DDX51: variants seen among roughly 807,000 people sequenced by gnomAD.
The protein encoded by DDX51 is ATP-dependent RNA helicase DDX51.
DDX51 carries 67 observed loss-of-function variants against 74.6 expected under a neutral mutation model. The observed-to-expected ratio is 0.90, with a 90% CI of 0.74 to 1.10. The LOEUF is 1.10. Among genes scored for constraint, DDX51 ranks in the 50% least tolerant of loss-of-function variants. The pLI is 0.00. For missense variants in DDX51, 1,056 were observed against 905.2 expected, an observed-to-expected ratio of 1.17 and a Z score of -2.14; for synonymous variants, 545 against 402.9, an observed-to-expected ratio of 1.35 and a Z score of -4.22.
At chr12:132,139,355 G>A in intron 14 of DDX51, 57 bp from the exon 15 acceptor site, 2 of 1,589,342 alleles carry the variant, frequency 1.3e-6, no homozygotes, top group African/African-American at 1.3e-5. Flanking sequence ...ATCGTCTGTG[G>A]GGCCCCGGGC....
chr12:132,142,828 C>T lies in DDX51; in HGVS notation c.570G>A (p.Arg190=). ...RWLAEPNCVR[R]NVTEDLVPIE... Reference sequence around the variant, plus strand: ...TAGGAACCAGGTCTTCGGTGACATTCCTTCTGACACAGTTAGGCTCAGCCA... The same window carrying T: ...TAGGAACCAGGTCTTCGGTGACATTTCTTCTGACACAGTTAGGCTCAGCCA... The change falls in exon 3 of 15, where the codon AGG becomes AGA. Residue 190 remains arginine, a synonymous_variant. Transcript: ENST00000397333. 6.2e-7 allele frequency: 1 copy of T among 1,613,000 alleles called. No individual in the cohort carries two copies. Among genetic ancestry groups the T allele is most frequent in the Non-Finnish European group, 8.5e-7 (1 of 1,180,026 alleles).
intron 6 of DDX51, 35 bp downstream of exon 6, chr12:132,141,815 A>ACCC: frequency 6.2e-7 from 1 of 1,604,988 alleles, no homozygotes; most frequent in South Asian, 1.1e-5. Context: ...CTGAGCAGGG[A>ACCC]CCCCCTGAAA....
At chr12:132,142,977 TC>T in intron 2 of DDX51, 99 bp from the exon 3 acceptor site, 1 of 1,518,990 alleles carries the variant, frequency 6.6e-7, no homozygotes, top group Non-Finnish European at 9.0e-7. Context: ...TGGGGAAACC[TC>T]TGTCGTCTTC....
At chr12:132,141,443 G>A (rs1322296174) in intron 7 of DDX51, 23 bp from the exon 8 acceptor site, 8 of 1,585,012 alleles carry the variant, frequency 5.0e-6, no homozygotes, top group Non-Finnish European at 6.8e-6. Flanking sequence ...GGGAGCCCGG[G>A]ACTGGGTGGC....
chr12:132,141,259 G>C lies in DDX51; in HGVS notation c.1250+16C>G. ...CTGCTCAGGGGAGGCCAGCACCTGG[G>C]CGTGCTGCTGGATACCTGGCGGCTG... On this transcript the variant is annotated intron_variant, in intron 8 of 14. Coordinates refer to ENST00000397333, the MANE Select transcript of DDX51 (RefSeq NM_175066.4). The C allele has an allele frequency of 6.3e-7, 1 of 1,580,332 alleles. No homozygotes were observed. The highest frequency in any genetic ancestry group is 1.1e-5 in the South Asian group (1 of 89,044).
chr12:132,139,567 G>A (rs770973508), intron 14 of DDX51, 68 bp downstream of exon 14: 2 of 1,611,644 alleles, frequency 1.2e-6, no homozygotes, highest in African/African-American at 1.3e-5. Flanking sequence ...TTCTCCACGT[G>A]TGGTGACGAC....
In DDX51 at chr12:132,140,413, AG is replaced by A. The variant is rs112539569; in HGVS notation, c.1673+9del. 5.1e-4 allele frequency: 815 copies of A among 1,613,070 alleles called. 9 individuals are homozygous for A. In the African/African-American group the frequency reaches 9.1e-3, roughly 18 times the overall value. On this transcript the variant is annotated intron_variant, in intron 11 of 14. Coordinates refer to ENST00000397333, the MANE Select transcript of DDX51 (RefSeq NM_175066.4). ...CCCCACAGAGGCCTTGCCCCTGCCC[AG>A]GAACTCACAGCTGGATCTTCCCCTG...
chr12:132,141,101 A>C, intron 8 of DDX51, 81 bp from the exon 9 acceptor site: 1 of 1,512,356 alleles, frequency 6.6e-7, no homozygotes, highest in Non-Finnish European at 8.8e-7. Flanking sequence ...CATGCTACGC[A>C]CTGTAGAGAC....
chr12:132,140,440 T>G lies in DDX51; in HGVS notation c.1656A>C (p.Glu552Asp). Reference protein sequence around the residue: ...GQRRMILKQFEQGKIQLLIST... With the variant: ...GQRRMILKQFDQGKIQLLIST... ...GAACTCACAGCTGGATCTTCCCCTG[T>G]TCAAACTGCTTCAGGATCATCCTCC... Residue 552 changes from glutamate (E) to aspartate (D), a missense_variant, in exon 11 of 15, where the codon GAA becomes GAC. By Grantham distance (45) the Glu-to-Asp change is conservative (BLOSUM62 2). Transcript: ENST00000397333. 1 of 1,613,216 alleles carries G rather than the reference T, an allele frequency of 6.2e-7. No homozygotes were observed. Among genetic ancestry groups the G allele is most frequent in the Non-Finnish European group, 8.5e-7 (1 of 1,180,018 alleles).
rs1187840198 is a variant in DDX51, at chr12:132,144,238, G to A, written c.59C>T (p.Pro20Leu). ...GTGCGCCCCGGCCTCCGCGCCCTCC[G>A]GCCCCGCCGCAGCTGCCGCATCGGG... ...PGPDAAAAAGPEGAEAGAHGR... is the reference protein window; with the variant it reads ...PGPDAAAAAGLEGAEAGAHGR... The change falls in exon 1 of 15, where the codon CCG becomes CTG. Residue 20 changes from proline to leucine, a missense_variant. Physicochemically the swap from Pro to Leu is moderately conservative, Grantham distance 98. Transcript: ENST00000397333. 15 of 1,227,700 alleles carry A rather than the reference G, an allele frequency of 1.2e-5. No homozygotes were observed. Among genetic ancestry groups the A allele is most frequent in the Non-Finnish European group, 1.3e-5 (13 of 985,076 alleles). 76.1% of individuals were successfully genotyped at this position (1,227,700 alleles called of 1,614,324 possible). A position where few individuals can be genotyped will look rare whatever the true frequency, so the allele number is the denominator to read the frequency against.
In DDX51 at chr12:132,142,146, C is replaced by A; in HGVS notation, c.861G>T (p.Val287=). The A allele has an allele frequency of 6.5e-7, 1 of 1,546,694 alleles. No homozygotes were observed. The highest frequency in any genetic ancestry group is 1.3e-5 in the South Asian group (1 of 79,554). The change falls in exon 5 of 15, where the codon GTG becomes GTT. Residue 287 remains valine (V), a synonymous_variant. Transcript: ENST00000397333. The part of the protein sequence containing the change: ...RVVCHIRALV[V]LPTKELAQQV... ...GCTGGGCCAGCTCCTTGGTGGGCAG[C>A]ACAACCAGGGCACGGATGTGGCAGA...
chr12:132,142,458 C>A (rs763097016), intron 3 of DDX51, 36 bp from the exon 4 acceptor site: 2 of 1,602,292 alleles, frequency 1.2e-6, no homozygotes, highest in South Asian at 2.2e-5. Flanking sequence ...GTCGTGTTTA[C>A]GCCTAGGCCT....
At position 132,144,007 on chromosome 12, in the gene DDX51, TC is replaced by T; in HGVS notation, c.289del (p.Glu97ArgfsTer132). On this transcript the variant is annotated frameshift_variant, in exon 1 of 15. Coordinates refer to ENST00000397333, the MANE Select transcript of DDX51 (RefSeq NM_175066.4). LOFTEE classifies it high-confidence loss of function. ...PQGKRRKADG[E>X]DAGAESNEEA... The stretch of plus-strand genomic sequence containing the variant: ...CCGCGGCCCACCTGCGCCCGCGTCC[TC>T]GCCGTCCGCCTTCCGTCGCTTTCCC... 1 of 1,379,190 alleles carries T rather than the reference TC, an allele frequency of 7.3e-7. No individual in the cohort carries two copies. Among genetic ancestry groups the T allele is most frequent in the South Asian group, 1.7e-5 (1 of 60,104 alleles). The allele number at this position is 1,379,190 out of a possible 1,614,324, so 85.4% of individuals were successfully genotyped here. A position where few individuals can be genotyped will look rare whatever the true frequency, so the allele number is the denominator to read the frequency against.
rs1171912931 is a variant in DDX51 at position 132,138,594 on chromosome 12, G to A, written c.*678C>T. On this transcript the variant is annotated 3_prime_UTR_variant, in exon 15 of 15. Coordinates refer to ENST00000397333, the MANE Select transcript of DDX51 (RefSeq NM_175066.4). ...CCTGCCTCGGCCTCCCAAAGTGCTGGGATTACAGGCATTTGCCACCGCGCC... is the reference window on the plus strand; with the variant it reads ...CCTGCCTCGGCCTCCCAAAGTGCTGAGATTACAGGCATTTGCCACCGCGCC... 6.6e-6 allele frequency: 1 copy of A among 150,658 alleles called. No homozygotes were observed. Among genetic ancestry groups the A allele is most frequent in the Non-Finnish European group, 1.5e-5 (1 of 67,844 alleles). 9.3% of individuals were successfully genotyped at this position (150,658 alleles called of 1,614,324 possible). A position where few individuals can be genotyped will look rare whatever the true frequency, so the allele number is the denominator to read the frequency against.
intron 2 of DDX51, chr12:132,143,213 T>C (rs1022306719): frequency 2.4e-6 from 1 of 413,836 alleles, no homozygotes. Flanking sequence ...ACCCCCAACC[T>C]TGACCTGGCT....
rs146276742 is a variant in DDX51, at chr12:132,140,555, G to A, written c.1557-16C>T. ...CAGGAAGAGCCTAGGCAGAGAGAAG[G>A]CTGCGGCCAAGTGATGCTGGGACCA... On this transcript the variant is annotated splice_polypyrimidine_tract_variant and intron_variant, in intron 10 of 14. Coordinates refer to ENST00000397333, the MANE Select transcript of DDX51 (RefSeq NM_175066.4). 2.7e-3 allele frequency: 4,430 copies of A among 1,612,898 alleles called. 15 individuals carry two copies. Among genetic ancestry groups the A allele is most frequent in the Middle Eastern group, 4.5e-3 (27 of 6,060 alleles).
Position 132,137,352 on chromosome 12 carries a change from TGTC to T in DDX51, c.*1917_*1919del, listed in dbSNP as rs1367097888. ...TCACAGTCTGCTCTTTCTGGCTGCT[TGTC>T]GTGAGAAGTGATTTTGAACCCCGAG... is the stretch of plus-strand genomic sequence containing the variant. On this transcript the variant is annotated 3_prime_UTR_variant, in exon 15 of 15. Transcript: ENST00000397333. The T allele has an allele frequency of 6.6e-6, 1 of 152,160 alleles. No individual in the cohort carries two copies. The highest frequency in any genetic ancestry group is 1.5e-5 in the Non-Finnish European group (1 of 68,040). The allele number at this position is 152,160 out of a possible 1,614,324, so 9.4% of individuals were successfully genotyped here.
chr12:132,140,892 C>G lies in DDX51; in HGVS notation c.1379G>C (p.Gly460Ala). 1.2e-6 allele frequency: 2 copies of G among 1,613,492 alleles called. No homozygotes were observed. Among genetic ancestry groups the G allele is most frequent in the Middle Eastern group, 1.7e-4 (1 of 6,056 alleles). The change falls in exon 9 of 15, where the codon GGC becomes GCC. Residue 460 changes from glycine (G) to alanine (A), a missense_variant. Coordinates refer to ENST00000397333, the MANE Select transcript of DDX51 (RefSeq NM_175066.4). ...CCCGTCCCCATCTGTATCTTCCAGG[C>G]CCCTGTGTGCTAGCCCTGTGGAGAA... ...RLFSTGLAHR[G>A]LEDTDGDGDS... is the part of the protein sequence containing the mutation.
rs1897612799 is a variant in DDX51, at chr12:132,144,284, A to G, written c.13T>C (p.Tyr5His). Residue 5 changes from tyrosine to histidine, a missense_variant, in exon 1 of 15, where the codon TAC becomes CAC. Transcript: ENST00000397333. ...TCGGGGCCCGGGTACCGCGCGACGT[A>G]GAACAGCGCCATGGCCAGCCGCACG... The part of the protein sequence containing the change: MALF[Y>H]VARYPGPDAA... 1.5e-6 allele frequency: 2 copies of G among 1,308,978 alleles called. No individual in the cohort carries two copies. Among genetic ancestry groups the G allele is most frequent in the South Asian group, 2.1e-5 (1 of 47,244 alleles). 81.1% of individuals were successfully genotyped at this position (1,308,978 alleles called of 1,614,324 possible). A position where few individuals can be genotyped will look rare whatever the true frequency, so the allele number is the denominator to read the frequency against.
Sources: gnomAD v4.1 joint callset for allele counts on GRCh38, gnomAD v4.1.1 for gene constraint, MANE v1.5 for transcripts, NCBI Gene and HGNC (gene_info 2026-07-23, HGNC 2026-07-21) for gene names.